PIP5K1C: variants seen among roughly 807,000 people sequenced by gnomAD.
The protein encoded by PIP5K1C is phosphatidylinositol-4-phosphate 5-kinase type 1 gamma.
A neutral mutation model predicts 80.1 loss-of-function variants in PIP5K1C; 45 were observed. The ratio of observed to expected loss-of-function variants is 0.56; its 90% CI spans 0.44 to 0.72. PIP5K1C has a LOEUF of 0.72. Ranked by LOEUF, PIP5K1C falls within the 30% of genes least tolerant of loss-of-function variation. PIP5K1C has a pLI of 0.00. For missense variants in PIP5K1C, 753 were observed against 954.6 expected, an observed-to-expected ratio of 0.79 and a Z score of 2.78; for synonymous variants, 498 against 420.1, an observed-to-expected ratio of 1.19 and a Z score of -2.27.
In PIP5K1C at chr19:3,688,954, GGGGT is replaced by G. The variant is rs1380395354; in HGVS notation, c.94+11339_94+11342del. 1.4e-5 allele frequency among the ~76,000 whole-genome samples: 2 copies of G among 148,076 alleles called. No homozygotes were observed. The highest frequency in any genetic ancestry group is 5.0e-5 in the African/African-American group (2 of 39,906). On this transcript the variant is annotated intron_variant, in intron 1 of 17. Transcript: ENST00000335312. The surrounding 1 kb of genome is among the most constrained non-coding windows in gnomAD (Gnocchi z 5.3). ...GGGAGAGTGCCCGGGATGGGGCTGG[GGGGT>G]GGGGGGGGCTTGGCGCACGCGGCCT...
chr19:3,638,732 G>A, intron 16 of PIP5K1C, 152 bp downstream of exon 16: 1 of 998,392 alleles, frequency 1.0e-6, no homozygotes, highest in Non-Finnish European at 1.6e-6. Flanking sequence ...TGTCGTGAGA[G>A]TGCTGGCTGG....
chr19:3,652,513 G>A (rs531462283), intron 7 of PIP5K1C, among the ~76,000 whole-genome samples: 10 of 152,308 alleles, frequency 6.6e-5, no homozygotes, highest in African/African-American at 2.4e-4. Context: ...TCAGCAGCGG[G>A]GCCTGGGTGG....
At position 3,648,024 on chromosome 19, in the gene PIP5K1C, T is replaced by C. The variant is rs12982726; in HGVS notation, c.1211+601A>G. 0.36 allele frequency among the ~76,000 whole-genome samples: 55,136 copies of C among 151,652 alleles called. 11,512 individuals carry two copies. The highest frequency in any genetic ancestry group is 0.48 in the Non-Finnish European group (32,852 of 67,780). ...CCTCAAACCCACTCCTTGGATTTTC[T>C]TTTTTCTTTTTTTTTGGGACAGGGT... On this transcript the variant is annotated intron_variant, in intron 9 of 17. Transcript: ENST00000335312. The surrounding 1 kb of genome is among the most constrained non-coding windows in gnomAD (Gnocchi z 4.3).
rs907690793 is a variant in PIP5K1C at position 3,638,656 on chromosome 19, C to T, written c.1920+228G>A. Among the ~76,000 whole-genome samples, 4 of 152,078 alleles carry T rather than the reference C, an allele frequency of 2.6e-5. No homozygotes were observed. In the South Asian group the frequency reaches 8.3e-4, roughly 32 times the overall value. ...AAAGGCCTGGTTTGGAGGAGCTTCCCACCCCATGGGGTTAGACCAGGAAGA... is the reference window on the plus strand; with the variant it reads ...AAAGGCCTGGTTTGGAGGAGCTTCCTACCCCATGGGGTTAGACCAGGAAGA... On this transcript the variant is annotated intron_variant, in intron 16 of 17. Coordinates refer to ENST00000335312, the MANE Select transcript of PIP5K1C (RefSeq NM_012398.3).
intron 16 of PIP5K1C, among the ~76,000 whole-genome samples, chr19:3,634,628 G>C (rs1482556965): frequency 6.6e-6 from 1 of 152,220 alleles, no homozygotes; most frequent in Non-Finnish European, 1.5e-5. Context: ...CTGCTGCCCA[G>C]GCCAACCCAT....
At chr19:3,660,162 C>T (rs141811763) in intron 5 of PIP5K1C, among the ~76,000 whole-genome samples, 360 of 152,250 alleles carry the variant, frequency 2.4e-3, no homozygotes, top group Non-Finnish European at 3.7e-3. Context: ...AGGCAGATCA[C>T]GAGGTCAGGA....
At position 3,633,196 on chromosome 19, in the gene PIP5K1C, G is replaced by C. The variant is rs750580773; in HGVS notation, c.2005-27C>G. 3.9e-6 allele frequency: 3 copies of C among 761,458 alleles called. No homozygotes were observed. The East Asian group carries it at 7.4e-5, about 19-fold the overall frequency. 47.2% of individuals were successfully genotyped at this position (761,458 alleles called of 1,614,324 possible). On this transcript the variant is annotated intron_variant, in intron 17 of 17. Coordinates refer to ENST00000335312, the MANE Select transcript of PIP5K1C (RefSeq NM_012398.3). ...TGCAAGAGCAAGAGGACAGGTGAAG[G>C]TGGGCGGGGCGAGGGCCCACCCCAG...
chr19:3,677,085 G>A (rs148504546), intron 1 of PIP5K1C, among the ~76,000 whole-genome samples: 262 of 152,102 alleles, frequency 1.7e-3, no homozygotes, highest in African/African-American at 6.3e-3. Context: ...CTGGGCAACA[G>A]AGCAAGATCC....
chr19:3,643,730 C>G (rs1306824495), intron 12 of PIP5K1C, among the ~76,000 whole-genome samples: 1 of 132,528 alleles, frequency 7.5e-6, no homozygotes, highest in Non-Finnish European at 1.6e-5. Context: ...CCTTGCTGTT[C>G]CCTCAGCAGG....
At chr19:3,698,439 G>A (rs576768314) in intron 1 of PIP5K1C, among the ~76,000 whole-genome samples, 3 of 152,322 alleles carry the variant, frequency 2.0e-5, no homozygotes, top group East Asian at 1.9e-4. Flanking sequence ...TCTACAAACC[G>A]ATACCAACAT....
At chr19:3,699,405 C>T (rs964729898) in intron 1 of PIP5K1C, among the ~76,000 whole-genome samples, 28 of 152,258 alleles carry the variant, frequency 1.8e-4, no homozygotes, top group African/African-American at 6.3e-4. Context: ...CCAGGCAGCA[C>T]GCATCGCCCG....
At chr19:3,693,572 G>A (rs991036816) in intron 1 of PIP5K1C, among the ~76,000 whole-genome samples, 4 of 152,138 alleles carry the variant, frequency 2.6e-5, no homozygotes, top group African/African-American at 4.8e-5. Context: ...GGGGCCAGGC[G>A]GCAGGCGGCA....
intron 1 of PIP5K1C, among the ~76,000 whole-genome samples, chr19:3,685,542 A>G (rs1224890693): frequency 6.6e-6 from 1 of 152,086 alleles, no homozygotes; most frequent in African/African-American, 2.4e-5. Context: ...CATCCTGGCT[A>G]ACACGGTGAA....
intron 11 of PIP5K1C, 120 bp downstream of exon 11, chr19:3,645,854 G>A (rs2034191354): frequency 1.3e-6 from 1 of 796,952 alleles, no homozygotes; most frequent in Non-Finnish European, 2.3e-6. Flanking sequence ...GGGGCACAGG[G>A]GCTCTGAGTT....
At chr19:3,641,498 C>T (rs866454430) in intron 15 of PIP5K1C, among the ~76,000 whole-genome samples, 7 of 152,292 alleles carry the variant, frequency 4.6e-5, no homozygotes, top group South Asian at 2.1e-4. Context: ...CCCCAGGCAT[C>T]GCCCAGTGTC....
chr19:3,647,447 ACTCAGGGGCCACTGT>A, intron 9 of PIP5K1C, 61 bp from the exon 10 acceptor site: 1 of 1,386,426 alleles, frequency 7.2e-7, no homozygotes, highest in Non-Finnish European at 1.0e-6. Context: ...AGGCCACCTC[ACTCAGGGGCCACTGT>A]GCACCCCCCA....
intron 1 of PIP5K1C, among the ~76,000 whole-genome samples, chr19:3,687,480 G>A (rs1294071202): frequency 7.1e-6 from 1 of 141,162 alleles, no homozygotes; most frequent in Non-Finnish European, 1.6e-5. Flanking sequence ...GTGGGAAGGG[G>A]ACACAGACGC....
chr19:3,699,940 C>A (rs967629653), intron 1 of PIP5K1C, among the ~76,000 whole-genome samples: 1 of 152,214 alleles, frequency 6.6e-6, no homozygotes, highest in African/African-American at 2.4e-5. Context: ...GAGGTGACAT[C>A]AGGAGGTGGG....
intron 1 of PIP5K1C, among the ~76,000 whole-genome samples, chr19:3,682,604 G>T (rs2035622187): frequency 6.6e-6 from 1 of 152,100 alleles, no homozygotes; most frequent in African/African-American, 2.4e-5. Flanking sequence ...TGGGAAGACT[G>T]CTTGAGCCCC....
Sources: allele counts gnomAD v4.1 joint callset (sites outside exome capture counted in the v4.1 genomes callset), GRCh38; gene constraint gnomAD v4.1.1; non-coding constraint Gnocchi (gnomAD v3.1); transcripts MANE v1.5; gene names NCBI Gene and HGNC (gene_info 2026-07-23, HGNC 2026-07-21).